The following ZP3 variants were observed in gnomAD, a reference collection of about 807,000 sequenced individuals.
ZP3 encodes zona pellucida glycoprotein 3.
In ZP3, 21 loss-of-function variants were observed where a neutral mutation model predicts 35.6. That is an observed-to-expected ratio of 0.59 (90% confidence interval 0.42 to 0.85). The LOEUF is 0.85. ZP3 is among the 40% of genes least tolerant of loss of function. The pLI is 0.00. For synonymous variants in ZP3, 207 were observed against 214.5 expected (o/e 0.96, Z 0.31); for missense variants, 437 against 536.5 (o/e 0.81, Z 1.83).
At chr7:76,428,186 G>A (rs927870226) in intron 1 of ZP3, among the ~76,000 whole-genome samples, 1 of 148,950 alleles carries the variant, frequency 6.7e-6, no homozygotes, top group Non-Finnish European at 1.5e-5. Context: ...AAAAAGGCAC[G>A]GTGGCACGTG....
At chr7:76,409,101 A>G (rs1196751247) in intron 1 of ZP3, among the ~76,000 whole-genome samples, 3 of 152,144 alleles carry the variant, frequency 2.0e-5, no homozygotes, top group Non-Finnish European at 2.9e-5. Flanking sequence ...CTGTTTCTCC[A>G]TCGAGACTGC....
At position 76,432,914 on chromosome 7, in the gene ZP3, G is replaced by T; in HGVS notation, c.432-13G>T. ...CCTGAGGCAGGTGTGCACAGCTGCT[G>T]TTCTTCTCTCAGGCAGGGCAATGTG... On this transcript the variant is annotated splice_polypyrimidine_tract_variant and intron_variant, in intron 2 of 7. Coordinates refer to ENST00000394857, the MANE Select transcript of ZP3 (RefSeq NM_001110354.2). 1 of 1,613,080 alleles carries T rather than the reference G, an allele frequency of 6.2e-7. No homozygotes were observed. Among genetic ancestry groups the T allele is most frequent in the Non-Finnish European group, 8.5e-7 (1 of 1,179,436 alleles).
At chr7:76,433,102 G>T in intron 3 of ZP3, 72 bp downstream of exon 3, 7 of 1,214,258 alleles carry the variant, frequency 5.8e-6, no homozygotes, top group Non-Finnish European at 7.8e-6. Context: ...CCTTGGCTGT[G>T]TCTTTTTTTT....
At chr7:76,423,025 G>GAGAGAGAGAGAAAGAAAGAA (rs1278384225), upstream of ZP3, among the ~76,000 whole-genome samples, 13 of 75,848 alleles carry the variant, frequency 1.7e-4, no homozygotes, top group South Asian at 5.2e-4. Context: ...GAGAGAGAGA[G>GAGAGAGAGAGAAAGAAAGAA]AGAAAGAAAG....
chr7:76,438,733 C>T (rs867156512), intron 5 of ZP3, among the ~76,000 whole-genome samples: 11 of 135,604 alleles, frequency 8.1e-5, no homozygotes, highest in African/African-American at 3.1e-4. Flanking sequence ...GTCTTCTGGT[C>T]GTCATATCCC....
rs764822912 is a variant in ZP3, at chr7:76,432,984, G to A, written c.489G>A (p.Thr163=). The part of the protein sequence containing the change: ...ILPTWLPFRT[T]VFSEEKLTFS... ...CCACCTGGTTGCCCTTCAGGACCAC[G>A]GTGTTCTCAGAGGAGAAGCTGACTT... Residue 163 remains threonine, a synonymous_variant, in exon 3 of 8, where the codon ACG becomes ACA. Coordinates refer to ENST00000394857, the MANE Select transcript of ZP3 (RefSeq NM_001110354.2). The A allele has an allele frequency of 1.5e-5, 24 of 1,614,002 alleles. No homozygotes were observed. The highest frequency in any genetic ancestry group is 3.3e-5 in the Admixed American group (2 of 59,976).
chr7:76,433,891 G>A (rs1407737828), intron 4 of ZP3, 147 bp from the exon 5 acceptor site: 18 of 927,506 alleles, frequency 1.9e-5, no homozygotes, highest in Non-Finnish European at 2.9e-5. Flanking sequence ...TAGAGACAAG[G>A]TTTCACCATG....
intron 2 of ZP3, among the ~76,000 whole-genome samples, chr7:76,431,869 A>C (rs1805834447): frequency 1.4e-5 from 2 of 146,028 alleles, no homozygotes; most frequent in Non-Finnish European, 3.0e-5. Context: ...ACTGTACTCC[A>C]GCCTGGGAGA....
chr7:76,425,549 G>A (rs1254411977), intron 1 of ZP3, among the ~76,000 whole-genome samples: 2 of 152,050 alleles, frequency 1.3e-5, no homozygotes, highest in African/African-American at 4.8e-5. Context: ...CTCTCAGGTG[G>A]GTTTGTGACA....
chr7:76,437,333 G>T (rs114568503), intron 5 of ZP3, among the ~76,000 whole-genome samples: 1 of 152,140 alleles, frequency 6.6e-6, no homozygotes, highest in Admixed American at 6.6e-5. Flanking sequence ...CAATCACCAC[G>T]CCTGGCTAAT....
At chr7:76,407,044 T>A (rs919562903) in intron 1 of ZP3, among the ~76,000 whole-genome samples, 1 of 152,150 alleles carries the variant, frequency 6.6e-6, no homozygotes, top group Non-Finnish European at 1.5e-5. Flanking sequence ...CACTGCAACC[T>A]CCACCTCCTG....
At chr7:76,404,467 T>A (rs957970562) in intron 1 of ZP3, 3 of 1,613,584 alleles carry the variant, frequency 1.9e-6, no homozygotes, top group Non-Finnish European at 2.5e-6. Context: ...TTTCAGATGC[T>A]CCCATCAAGG....
upstream of ZP3, among the ~76,000 whole-genome samples, chr7:76,424,474 C>G (rs1805591948): frequency 6.6e-6 from 1 of 152,076 alleles, no homozygotes; most frequent in South Asian, 2.1e-4. Flanking sequence ...ACCAAAAATA[C>G]AAAAATTAGC....
chr7:76,438,290 G>T (rs1166340059), intron 5 of ZP3, among the ~76,000 whole-genome samples: 1 of 152,186 alleles, frequency 6.6e-6, no homozygotes, highest in South Asian at 2.1e-4. Context: ...AGGTACGGTG[G>T]CTCATGCCAA....
chr7:76,409,620 C>T, intron 1 of ZP3: 1 of 152,326 alleles, frequency 6.6e-6, no homozygotes, highest in East Asian at 1.9e-4. Context: ...CCAGCCTGTC[C>T]CCATCCGACC....
chr7:76,400,411 C>T (rs771484204), intron 1 of ZP3: 16 of 1,603,668 alleles, frequency 1.0e-5, no homozygotes, highest in East Asian at 4.5e-5. Flanking sequence ...GATGGGGCCT[C>T]GGCCTTGGCC....
chr7:76,437,499 G>T (rs1267588357), intron 5 of ZP3, among the ~76,000 whole-genome samples: 160 of 146,994 alleles, frequency 1.1e-3, no homozygotes, highest in African/African-American at 3.8e-3. Flanking sequence ...TTTTTTTTTG[G>T]GGGGAAATGG....
chr7:76,430,605 C>T (rs550184501), intron 2 of ZP3, among the ~76,000 whole-genome samples: 4 of 151,940 alleles, frequency 2.6e-5, no homozygotes, highest in Admixed American at 6.6e-5. Context: ...TGTGGTAGCG[C>T]GTGCCTGTAA....
At chr7:76,429,724 G>A in intron 2 of ZP3, 91 bp downstream of exon 2, 1 of 1,084,260 alleles carries the variant, frequency 9.2e-7, no homozygotes, top group Non-Finnish European at 1.4e-6. Context: ...ACAGCTTGCA[G>A]CATGGCTATT....
Sources: gnomAD v4.1 joint callset for allele counts (sites outside exome capture counted in the v4.1 genomes callset) on GRCh38, gnomAD v4.1.1 for gene constraint, MANE v1.5 for transcripts, NCBI Gene and HGNC (gene_info 2026-07-23, HGNC 2026-07-21) for gene names.